CSNK2A1: variants seen among roughly 807,000 people sequenced by gnomAD.
CSNK2A1 encodes the protein casein kinase II subunit alpha.
A neutral mutation model predicts 62.9 loss-of-function variants in CSNK2A1; 10 were observed. That is an observed-to-expected ratio of 0.16 (90% confidence interval 0.10 to 0.27). The LOEUF is 0.27. Ranked by LOEUF, CSNK2A1 falls within the 10% of genes least tolerant of loss-of-function variation. The pLI is 1.00. For missense variants in CSNK2A1, 160 were observed against 492.0 expected, an observed-to-expected ratio of 0.33 and a Z score of 6.38; for synonymous variants, 124 against 167.8, an observed-to-expected ratio of 0.74 and a Z score of 2.02.
At position 475,330 on chromosome 20, in the gene CSNK2A1, T is replaced by G. The variant is rs2017825797; in HGVS notation, c.*8631A>C. On this transcript the variant is annotated 3_prime_UTR_variant, in exon 14 of 14. Coordinates refer to ENST00000217244, the MANE Select transcript of CSNK2A1 (RefSeq NM_177559.3). Reference sequence around the variant, plus strand: ...CAAAAACTATCTGGGTGTGGTGGCATGTGCCTATAATCCCAACTACTTGGG... The same window carrying G: ...CAAAAACTATCTGGGTGTGGTGGCAGGTGCCTATAATCCCAACTACTTGGG... 1 of 152,266 alleles carries G rather than the reference T, an allele frequency of 6.6e-6. No homozygotes were observed. The allele number at this position is 152,266 out of a possible 1,614,324, so 9.4% of individuals were successfully genotyped here. A position where few individuals can be genotyped will look rare whatever the true frequency, so the allele number is the denominator to read the frequency against.
At chr20:524,145 C>T (rs7274244) in intron 2 of CSNK2A1, among the ~76,000 whole-genome samples, 52,987 of 151,222 alleles carry the variant, frequency 0.35, 11,215 homozygotes, top group Non-Finnish European at 0.49. Context: ...ACATCTAGGC[C>T]GGGTGCAGCT....
At position 483,906 on chromosome 20, in the gene CSNK2A1, A is replaced by G; in HGVS notation, c.*55T>C. The G allele has an allele frequency of 1.3e-6, 2 of 1,544,610 alleles. No individual in the cohort carries two copies. The highest frequency in any genetic ancestry group is 1.7e-6 in the Non-Finnish European group (2 of 1,146,830). ...TCCCCGCCAGGCGCAAGCTGCATCA[A>G]GGAGAGGGTGGACTCCCCCACCTCT... On this transcript the variant is annotated 3_prime_UTR_variant, in exon 14 of 14. Transcript: ENST00000217244.
intron 1 of CSNK2A1, among the ~76,000 whole-genome samples, chr20:533,118 C>G (rs534758300): frequency 1.3e-5 from 2 of 152,134 alleles, no homozygotes; most frequent in South Asian, 4.1e-4. Flanking sequence ...GAAATATATA[C>G]AGCTCAAAAA....
chr20:505,958 C>CTT (rs2018576572), intron 3 of CSNK2A1: 1 of 148,478 alleles, frequency 6.7e-6, no homozygotes, highest in Non-Finnish European at 1.5e-5. Context: ...CGCTGCAAGC[C>CTT]CCGCCTCCCA....
rs528500413 is a variant in CSNK2A1, at chr20:529,108, G to A, written c.-226-1059C>T. ...CAGGCTGGAGTGCAGTGGTGCAACC[G>A]TAGCTCACTGTAGCAGCCTCTACCT... On this transcript the variant is annotated intron_variant, in intron 1 of 13. Transcript: ENST00000217244. Among the ~76,000 whole-genome samples the A allele has an allele frequency of 4.7e-4, 72 of 152,112 alleles. 1 individual carries two copies. The highest frequency in any genetic ancestry group is 2.7e-3 in the Admixed American group (42 of 15,282).
intron 2 of CSNK2A1, among the ~76,000 whole-genome samples, chr20:512,738 G>A (rs1169930319): frequency 1.3e-5 from 2 of 152,108 alleles, no homozygotes; most frequent in African/African-American, 4.8e-5. Context: ...TTCCATAAAT[G>A]TACTAAATGA....
chr20:505,204 G>A lies in CSNK2A1; in HGVS notation c.127C>T (p.Arg43Ter), dbSNP rs1301632648. The change falls in exon 4 of 14, where the codon CGA becomes TGA. Residue 43 changes from arginine to a stop codon, truncating the protein, a stop_gained. Transcript: ENST00000217244. LOFTEE classifies it high-confidence loss of function. ...WGNQDDYQLV[R>*]KLGRGKYSEV... Reference sequence around the variant, plus strand: ...CTGTATTTACCTCGGCCTAATTTTCGAACCAGCTGGTAGTCATCTTGATTT... The same window carrying A: ...CTGTATTTACCTCGGCCTAATTTTCAAACCAGCTGGTAGTCATCTTGATTT... 1 of 1,613,168 alleles carries A rather than the reference G, an allele frequency of 6.2e-7. No individual in the cohort carries two copies. The highest frequency in any genetic ancestry group is 8.5e-7 in the Non-Finnish European group (1 of 1,179,834).
chr20:525,479 C>T (rs796351371), intron 2 of CSNK2A1, among the ~76,000 whole-genome samples: 14 of 151,408 alleles, frequency 9.2e-5, no homozygotes, highest in East Asian at 2.0e-4. Flanking sequence ...GGTGAAACCC[C>T]GTCTCTACTA....
Position 479,986 on chromosome 20 carries a change from T to C in CSNK2A1, c.*3975A>G, listed in dbSNP as rs1251614574. ...GGTCCCAACCATTTTGGATAGGGGATATTCAACCTATATTACACACAGGTA... is the reference window on the plus strand; with the variant it reads ...GGTCCCAACCATTTTGGATAGGGGACATTCAACCTATATTACACACAGGTA... On this transcript the variant is annotated 3_prime_UTR_variant, in exon 14 of 14. Coordinates refer to ENST00000217244, the MANE Select transcript of CSNK2A1 (RefSeq NM_177559.3). The C allele has an allele frequency of 1.3e-5, 2 of 152,162 alleles. No homozygotes were observed. Among genetic ancestry groups the C allele is most frequent in the Non-Finnish European group, 2.9e-5 (2 of 68,028 alleles). The allele number at this position is 152,162 out of a possible 1,614,324, so 9.4% of individuals were successfully genotyped here. A position where few individuals can be genotyped will look rare whatever the true frequency, so the allele number is the denominator to read the frequency against.
chr20:526,696 C>G (rs1188192158), intron 2 of CSNK2A1: 1 of 151,890 alleles, frequency 6.6e-6, no homozygotes, highest in African/African-American at 2.4e-5. Flanking sequence ...TGGCTCATAC[C>G]TGTAATCCCA....
intron 9 of CSNK2A1, among the ~76,000 whole-genome samples, chr20:490,891 A>T: frequency 7.2e-6 from 1 of 139,022 alleles, no homozygotes. Context: ...CTTCACTTAC[A>T]TGAAAAAAAA....
At chr20:536,561 GTTAAGTAAACTTCCCCAAAC>G (rs1311728848) in intron 1 of CSNK2A1, among the ~76,000 whole-genome samples, 1 of 152,124 alleles carries the variant, frequency 6.6e-6, no homozygotes, top group Non-Finnish European at 1.5e-5. Context: ...ACTTGAAGAG[GTTAAGTAAACTTCCCCAAAC>G]TCAAAGTGGG....
intron 1 of CSNK2A1, among the ~76,000 whole-genome samples, chr20:532,424 G>T (rs996708642): frequency 6.7e-6 from 1 of 149,698 alleles, no homozygotes; most frequent in African/African-American, 2.5e-5. Context: ...TGATCTGCCC[G>T]CCTCGGCCTC....
chr20:543,734 G>A lies in CSNK2A1; in HGVS notation c.-289C>T, dbSNP rs1600427325. 1 of 398,450 alleles carries A rather than the reference G, an allele frequency of 2.5e-6. No homozygotes were observed. The highest frequency in any genetic ancestry group is 4.4e-6 in the Non-Finnish European group (1 of 225,982). The allele number at this position is 398,450 out of a possible 1,614,324, so 24.7% of individuals were successfully genotyped here. ...CTCTGCTCACACAGACAATATGGCG[G>A]CGATGGAGGAGGAGACACACGGCTC... On this transcript the variant is annotated 5_prime_UTR_variant, in exon 1 of 14. Coordinates refer to ENST00000217244, the MANE Select transcript of CSNK2A1 (RefSeq NM_177559.3).
rs545926064 is a variant in CSNK2A1, at chr20:499,675, G to C, written c.315+158C>G. 1 of 687,558 alleles carries C rather than the reference G, an allele frequency of 1.5e-6. No homozygotes were observed. Among genetic ancestry groups the C allele is most frequent in the Non-Finnish European group, 2.5e-6 (1 of 393,998 alleles). 42.6% of individuals were successfully genotyped at this position (687,558 alleles called of 1,614,324 possible). Reference sequence around the variant, plus strand: ...TCTGTGGGTGGAGGTCTCTTTGAAAGAAAGACCCAAGCTAGTTAAATGGTA... The same window carrying C: ...TCTGTGGGTGGAGGTCTCTTTGAAACAAAGACCCAAGCTAGTTAAATGGTA... On this transcript the variant is annotated intron_variant, in intron 5 of 13. Transcript: ENST00000217244. The surrounding 1 kb of genome is among the most constrained non-coding windows in gnomAD (Gnocchi z 4.2).
intron 10 of CSNK2A1, 198 bp from the exon 11 acceptor site, chr20:488,976 A>G (rs2018159114): frequency 2.2e-6 from 1 of 464,022 alleles, no homozygotes; most frequent in Admixed American, 4.0e-5. Flanking sequence ...CTTCCTCTTG[A>G]AATGTCACCC....
intron 2 of CSNK2A1, among the ~76,000 whole-genome samples, chr20:525,665 A>T (rs899390276): frequency 1.4e-5 from 2 of 147,482 alleles, no homozygotes; most frequent in African/African-American, 2.5e-5. Context: ...AAAAAAAAAA[A>T]AAGAAAAAAA....
chr20:492,590 T>TGAG, intron 8 of CSNK2A1: 1 of 515,932 alleles, frequency 1.9e-6, no homozygotes, highest in Non-Finnish European at 3.4e-6. Context: ...TTTTACAAAT[T>TGAG]TCTTAAACTG....
At chr20:515,342 G>A (rs530873727) in intron 2 of CSNK2A1, among the ~76,000 whole-genome samples, 2 of 152,190 alleles carry the variant, frequency 1.3e-5, no homozygotes, top group East Asian at 1.9e-4. Flanking sequence ...TTGGACTTAA[G>A]GTTAAAATGG....
Sources: allele counts gnomAD v4.1 joint callset (sites outside exome capture counted in the v4.1 genomes callset), GRCh38; gene constraint gnomAD v4.1.1; non-coding constraint Gnocchi (gnomAD v3.1); transcripts MANE v1.5; gene names NCBI Gene and HGNC (gene_info 2026-07-23, HGNC 2026-07-21).